The following UBE2O variants were observed in gnomAD, a reference collection of about 807,000 sequenced individuals.
UBE2O encodes ubiquitin conjugating enzyme E2 O, also known as (E3-independent) E2 ubiquitin-conjugating enzyme.
UBE2O carries 15 observed loss-of-function variants against 125.8 expected under a neutral mutation model. The observed-to-expected ratio is 0.12, with a 90% confidence interval of 0.08 to 0.18. UBE2O has a LOEUF of 0.18. Among genes scored for constraint, UBE2O ranks in the 10% least tolerant of loss-of-function variants. The pLI is 1.00. For synonymous variants in UBE2O, 708 were observed against 703.2 expected (o/e 1.01, Z -0.11); for missense variants, 1,280 against 1,723.6 (o/e 0.74, Z 4.56).
chr17:76,405,152 G>T lies in UBE2O; in HGVS notation c.588+54C>A. On this transcript the variant is annotated intron_variant, in intron 3 of 17. Transcript: ENST00000319380. This position sits in a 1 kb window ranked among gnomAD's most constrained non-coding sequence, Gnocchi z 6.1. ...GAGGCTGTAGCCCAGAGGTCGTGCCGCCGAGAGAACCAGAGGGCCCAGAAA... is the reference window on the plus strand; with the variant it reads ...GAGGCTGTAGCCCAGAGGTCGTGCCTCCGAGAGAACCAGAGGGCCCAGAAA... 1 of 1,391,440 alleles carries T rather than the reference G, an allele frequency of 7.2e-7. No homozygotes were observed. The highest frequency in any genetic ancestry group is 1.0e-6 in the Non-Finnish European group (1 of 1,001,396). 86.2% of individuals were successfully genotyped at this position (1,391,440 alleles called of 1,614,324 possible).
At position 76,398,339 on chromosome 17, in the gene UBE2O, G is replaced by A; in HGVS notation, c.1941C>T (p.Asp647=). The A allele has an allele frequency of 3.7e-6, 6 of 1,614,182 alleles. No individual in the cohort carries two copies. Among genetic ancestry groups the A allele is most frequent in the Non-Finnish European group, 5.1e-6 (6 of 1,180,032 alleles). Reference sequence around the variant, plus strand: ...TTGTACGGAACCTAAAGTCAGGGTGGTCAGCAATGTCGTAAACACTCACAT... The same window carrying A: ...TTGTACGGAACCTAAAGTCAGGGTGATCAGCAATGTCGTAAACACTCACAT... ...EEDVSVYDIA[D]HPDFRFRTTD... Residue 647 remains aspartate (D), a synonymous_variant, in exon 12 of 18, where the codon GAC becomes GAT. Transcript: ENST00000319380. This position sits in a 1 kb window ranked among gnomAD's most constrained non-coding sequence, Gnocchi z 5.4.
Position 76,402,711 on chromosome 17 carries a change from G to C in UBE2O, c.589-12C>G, listed in dbSNP as rs1567836356. 12 of 1,609,848 alleles carry C rather than the reference G, an allele frequency of 7.5e-6. No individual in the cohort carries two copies. The highest frequency in any genetic ancestry group is 1.0e-5 in the Non-Finnish European group (12 of 1,176,140). ...CCATACATGAAGGGCTGCAGACCAA[G>C]GAGGCAGGGGCAGTGAGACACAGCA... On this transcript the variant is annotated splice_polypyrimidine_tract_variant and intron_variant, in intron 3 of 17. Transcript: ENST00000319380. The surrounding 1 kb of genome is among the most constrained non-coding windows in gnomAD (Gnocchi z 5.4).
Position 76,391,879 on chromosome 17 carries a change from T to C in UBE2O, c.3150+31A>G. On this transcript the variant is annotated intron_variant, in intron 16 of 17. Transcript: ENST00000319380. The surrounding 1 kb of genome is among the most constrained non-coding windows in gnomAD (Gnocchi z 8.4). ...CCTATCCACCAGTGGCTCTTCCTCCTTCTTGGCTGGGGGCCTGGCCCTATA... is the reference window on the plus strand; with the variant it reads ...CCTATCCACCAGTGGCTCTTCCTCCCTCTTGGCTGGGGGCCTGGCCCTATA... 1 of 1,613,778 alleles carries C rather than the reference T, an allele frequency of 6.2e-7. No individual in the cohort carries two copies. The highest frequency in any genetic ancestry group is 8.5e-7 in the Non-Finnish European group (1 of 1,179,846).
Position 76,453,029 on chromosome 17 carries a change from G to A in UBE2O, c.113C>T (p.Pro38Leu). 2.8e-6 allele frequency: 4 copies of A among 1,435,354 alleles called. No homozygotes were observed. Among genetic ancestry groups the A allele is most frequent in the Non-Finnish European group, 3.7e-6 (4 of 1,095,204 alleles). 88.9% of individuals were successfully genotyped at this position (1,435,354 alleles called of 1,614,324 possible). Residue 38 changes from proline to leucine, a missense_variant, in exon 1 of 18, where the codon CCC becomes CTC. By Grantham distance (98) the Pro-to-Leu change is moderately conservative. Transcript: ENST00000319380. ...CGGCCCGGAGGCCGAGTCCGAGGCGGGCGCCGGCGCCGGGACGGGGGCTGC... is the reference window on the plus strand; with the variant it reads ...CGGCCCGGAGGCCGAGTCCGAGGCGAGCGCCGGCGCCGGGACGGGGGCTGC... ...PAAAPVPAPA[P>L]ASDSASGPSS... is the part of the protein sequence containing the mutation.
At chr17:76,448,416 C>T (rs2143924992) in intron 1 of UBE2O, among the ~76,000 whole-genome samples, 1 of 152,308 alleles carries the variant, frequency 6.6e-6, no homozygotes, top group South Asian at 2.1e-4. Flanking sequence ...TGATGCTACA[C>T]CTAAATAGCT....
Position 76,405,006 on chromosome 17 carries a change from C to G in UBE2O, c.588+200G>C, listed in dbSNP as rs532229735. ...CCTATGCTGGGGTTGGGGAAGGGCACGTCCTGACCTCATGTCTAAATGGCT... is the reference window on the plus strand; with the variant it reads ...CCTATGCTGGGGTTGGGGAAGGGCAGGTCCTGACCTCATGTCTAAATGGCT... On this transcript the variant is annotated intron_variant, in intron 3 of 17. Coordinates refer to ENST00000319380, the MANE Select transcript of UBE2O (RefSeq NM_022066.4). This position sits in a 1 kb window ranked among gnomAD's most constrained non-coding sequence, Gnocchi z 6.1. 6.6e-6 allele frequency among the ~76,000 whole-genome samples: 1 copy of G among 152,112 alleles called. No individual in the cohort carries two copies. The highest frequency in any genetic ancestry group is 1.5e-5 in the Non-Finnish European group (1 of 68,032).
chr17:76,449,148 T>C (rs1044040663), intron 1 of UBE2O, among the ~76,000 whole-genome samples: 1 of 152,276 alleles, frequency 6.6e-6, no homozygotes, highest in Non-Finnish European at 1.5e-5. Flanking sequence ...TCTTCATCTC[T>C]CTTTGTAAAT....
Position 76,395,993 on chromosome 17 carries a change from C to T in UBE2O, c.2810-132G>A. The T allele has an allele frequency of 2.0e-6, 3 of 1,506,460 alleles. No individual in the cohort carries two copies. Among genetic ancestry groups the T allele is most frequent in the Non-Finnish European group, 1.8e-6 (2 of 1,104,698 alleles). 93.3% of individuals were successfully genotyped at this position (1,506,460 alleles called of 1,614,324 possible). On this transcript the variant is annotated intron_variant, in intron 14 of 17. Coordinates refer to ENST00000319380, the MANE Select transcript of UBE2O (RefSeq NM_022066.4). The surrounding 1 kb of genome is among the most constrained non-coding windows in gnomAD (Gnocchi z 5.0). The stretch of plus-strand genomic sequence containing the variant: ...TGCTGGCCTCAGCACTGTGACCACA[C>T]AGGGAAATGGTTTGCCCTGGGGCAG...
Position 76,449,191 on chromosome 17 carries a change from C to G in UBE2O, c.417+3534G>C, listed in dbSNP as rs117233817. On this transcript the variant is annotated intron_variant, in intron 1 of 17. Coordinates refer to ENST00000319380, the MANE Select transcript of UBE2O (RefSeq NM_022066.4). ...CTAAAAACTTGAGACTAAGATTAAG[C>G]CTTTACTCATTGCCCTCCAATTTAC... 6.4e-3 allele frequency among the ~76,000 whole-genome samples: 977 copies of G among 152,350 alleles called. 9 individuals carry two copies. The highest frequency in any genetic ancestry group is 0.01 in the Non-Finnish European group (704 of 68,032).
chr17:76,391,781 A>G lies in UBE2O; in HGVS notation c.3183T>C (p.Leu1061=). The G allele has an allele frequency of 6.2e-7, 1 of 1,614,008 alleles. No homozygotes were observed. Among genetic ancestry groups the G allele is most frequent in the Non-Finnish European group, 8.5e-7 (1 of 1,180,004 alleles). Residue 1061 remains leucine, a synonymous_variant, in exon 17 of 18, where the codon CTT becomes CTC. Coordinates refer to ENST00000319380, the MANE Select transcript of UBE2O (RefSeq NM_022066.4). The surrounding 1 kb of genome is among the most constrained non-coding windows in gnomAD (Gnocchi z 8.4). ...CTTGGATGGAGATGAGCACCTGGAG[A>G]AGGCTGGACTTGCTTGTCCACCTCT... is the stretch of plus-strand genomic sequence containing the variant. ...GTERWTSKSS[L]LQVLISIQGL...
chr17:76,441,857 C>A (rs1318682660), intron 1 of UBE2O, among the ~76,000 whole-genome samples: 1 of 152,210 alleles, frequency 6.6e-6, no homozygotes, highest in Non-Finnish European at 1.5e-5. Context: ...AAGTAATAGG[C>A]CTGGCATAGC....
At position 76,391,467 on chromosome 17, in the gene UBE2O, G is replaced by A; in HGVS notation, c.3355C>T (p.Pro1119Ser). The A allele has an allele frequency of 6.2e-7, 1 of 1,613,436 alleles. No homozygotes were observed. The highest frequency in any genetic ancestry group is 8.5e-7 in the Non-Finnish European group (1 of 1,179,960). Reference protein sequence around the residue: ...VQSMTQLVRRPPEVFEQEIRQ... With the variant: ...VQSMTQLVRRSPEVFEQEIRQ... ...ATCTCCTGCTCAAAGACCTCGGGGG[G>A]CCGCCGCACCAGCTGGGTCATGGAC... Residue 1119 changes from proline (P) to serine (S), a missense_variant, in exon 18 of 18, where the codon CCC (proline) becomes TCC (serine). Coordinates refer to ENST00000319380, the MANE Select transcript of UBE2O (RefSeq NM_022066.4). This position sits in a 1 kb window ranked among gnomAD's most constrained non-coding sequence, Gnocchi z 8.4.
In UBE2O at chr17:76,395,866, A is replaced by G. The variant is rs1567830771; in HGVS notation, c.2810-5T>C. The G allele has an allele frequency of 6.2e-7, 1 of 1,614,060 alleles. No individual in the cohort carries two copies. ...TTTTCTTAAAAGAATGATTTGCTAG[A>G]GGGGGGAAGAGAATAGTCAGTCCCT... On this transcript the variant is annotated splice_polypyrimidine_tract_variant and splice_region_variant and intron_variant, in intron 14 of 17. Transcript: ENST00000319380. This position sits in a 1 kb window ranked among gnomAD's most constrained non-coding sequence, Gnocchi z 5.0.
rs1170433268 is a variant in UBE2O, at chr17:76,452,375, G to C, written c.417+350C>G. On this transcript the variant is annotated intron_variant, in intron 1 of 17. Coordinates refer to ENST00000319380, the MANE Select transcript of UBE2O (RefSeq NM_022066.4). This position sits in a 1 kb window ranked among gnomAD's most constrained non-coding sequence, Gnocchi z 4.4. ...CGAGCTCCTTGGGGGTCAGCAAAACGCCGCACTGGTGTAACGCCGAACGCG... is the reference window on the plus strand; with the variant it reads ...CGAGCTCCTTGGGGGTCAGCAAAACCCCGCACTGGTGTAACGCCGAACGCG... Among the ~76,000 whole-genome samples, 1 of 152,106 alleles carries C rather than the reference G, an allele frequency of 6.6e-6. No homozygotes were observed. Among genetic ancestry groups the C allele is most frequent in the East Asian group, 1.9e-4 (1 of 5,180 alleles).
intron 1 of UBE2O, among the ~76,000 whole-genome samples, chr17:76,415,281 C>T (rs966653200): frequency 2.6e-5 from 4 of 152,172 alleles, no homozygotes; most frequent in African/African-American, 4.8e-5. Context: ...AAGAACCCCA[C>T]GTGCACTGCC....
At chr17:76,440,853 C>G (rs1446055022) in intron 1 of UBE2O, among the ~76,000 whole-genome samples, 1 of 152,196 alleles carries the variant, frequency 6.6e-6, no homozygotes, top group Non-Finnish European at 1.5e-5. Flanking sequence ...GTATAGCCTG[C>G]AACACTAGGA....
chr17:76,433,371 A>C (rs1322105396), intron 1 of UBE2O, among the ~76,000 whole-genome samples: 2 of 148,370 alleles, frequency 1.3e-5, no homozygotes, highest in East Asian at 3.9e-4. Context: ...CATTTATATG[A>C]AATGTCCAAA....
chr17:76,391,502 C>T lies in UBE2O; in HGVS notation c.3320G>A (p.Arg1107His), dbSNP rs779276300. ...CAGCTGGGTCATGGACTGCACCACG[C>T]GGATCAGCGCCATCTCATTGTAACA... ...SRCYNEMALI[R>H]VVQSMTQLVR... The change falls in exon 18 of 18, where the codon CGC becomes CAC. Residue 1107 changes from arginine (R) to histidine (H), a missense_variant. This residue lies in a region of UBE2O where 233 missense variants were observed against 279.0 expected (regional missense o/e 0.84). Transcript: ENST00000319380. This position sits in a 1 kb window ranked among gnomAD's most constrained non-coding sequence, Gnocchi z 8.4. The T allele has an allele frequency of 6.2e-6, 10 of 1,613,924 alleles. No homozygotes were observed. The Admixed American group carries it at 6.7e-5, about 11-fold the overall frequency.
chr17:76,393,637 G>C (rs752424654), intron 15 of UBE2O, among the ~76,000 whole-genome samples: 3 of 152,218 alleles, frequency 2.0e-5, no homozygotes, highest in Admixed American at 2.0e-4. Context: ...CTGAAAGGCA[G>C]TTCCAGGCTG....
Sources: allele counts gnomAD v4.1 joint callset (sites outside exome capture counted in the v4.1 genomes callset), GRCh38; gene constraint gnomAD v4.1.1; regional missense constraint gnomAD v4.1.1; non-coding constraint Gnocchi (gnomAD v3.1); transcripts MANE v1.5; gene names NCBI Gene and HGNC (gene_info 2026-07-23, HGNC 2026-07-21).